TULP4: variants seen among roughly 807,000 people sequenced by gnomAD.
TULP4 encodes tubby-related protein 4.
A neutral mutation model predicts 129.0 loss-of-function variants in TULP4; 16 were observed. The ratio of observed to expected loss-of-function variants is 0.12; its 90% CI spans 0.08 to 0.19. The LOEUF is 0.19. Among genes scored for constraint, TULP4 ranks in the 10% least tolerant of loss-of-function variants. TULP4 has a pLI of 1.00. For missense variants in TULP4, 1,842 were observed against 2,059.1 expected, an observed-to-expected ratio of 0.89 and a Z score of 2.04; for synonymous variants, 998 against 854.0, an observed-to-expected ratio of 1.17 and a Z score of -2.94.
At chr6:158,407,600 T>C (rs1487139383) in intron 1 of TULP4, among the ~76,000 whole-genome samples, 1 of 151,996 alleles carries the variant, frequency 6.6e-6, no homozygotes, top group Non-Finnish European at 1.5e-5. Flanking sequence ...TAAAAGTTGA[T>C]GAACAGATCA....
At chr6:158,414,102 C>T (rs1173673473) in intron 2 of TULP4, among the ~76,000 whole-genome samples, 1 of 152,230 alleles carries the variant, frequency 6.6e-6, no homozygotes, top group African/African-American at 2.4e-5. Flanking sequence ...ACATTATTGT[C>T]AGCGGCTATT....
At chr6:158,365,925 T>A (rs1378502244) in intron 1 of TULP4, among the ~76,000 whole-genome samples, 1 of 92,174 alleles carries the variant, frequency 1.1e-5, no homozygotes, top group Admixed American at 1.5e-4. Flanking sequence ...TTTTTTGAGA[T>A]GGAGTCTCGC....
upstream of TULP4, among the ~76,000 whole-genome samples, chr6:158,308,410 C>G (rs535481504): frequency 3.8e-3 from 576 of 152,208 alleles, 2 homozygotes; most frequent in African/African-American, 0.013. Flanking sequence ...TCTTTCTACA[C>G]AGACACGGCA....
Position 158,296,545 on chromosome 6 carries a change from A to T in TULP4, n.116+14167A>T, listed in dbSNP as rs113396195. Among the ~76,000 whole-genome samples the T allele has an allele frequency of 1.3e-3, 196 of 152,264 alleles. 1 individual carries two copies. Among genetic ancestry groups the T allele is most frequent in the African/African-American group, 4.5e-3 (186 of 41,544 alleles). The stretch of plus-strand genomic sequence containing the variant: ...AGGGCAAAAAGCAGAACTACTGATA[A>T]GGGTCTAACAAAGATCACATGCTTC... On this transcript the variant is annotated intron_variant and non_coding_transcript_variant, in intron 1 of 1. Transcript: ENST00000432358.
chr6:158,291,037 A>G (rs1285356262), intron 1 of TULP4, among the ~76,000 whole-genome samples: 1 of 152,278 alleles, frequency 6.6e-6, no homozygotes, highest in African/African-American at 2.4e-5. Context: ...CCTATAAAGC[A>G]TTAAGAGCTA....
At chr6:158,372,080 G>A (rs1012447365) in intron 1 of TULP4, among the ~76,000 whole-genome samples, 2 of 147,492 alleles carry the variant, frequency 1.4e-5, no homozygotes, top group African/African-American at 5.1e-5. Flanking sequence ...CTCTCAAAGT[G>A]CTGGGATTAC....
At chr6:158,314,488 C>G (rs569790420) in intron 1 of TULP4, among the ~76,000 whole-genome samples, 2 of 152,314 alleles carry the variant, frequency 1.3e-5, no homozygotes, top group East Asian at 3.9e-4. Flanking sequence ...GTCCCTGGCA[C>G]CCCTGCTGTC....
intron 6 of TULP4, among the ~76,000 whole-genome samples, chr6:158,466,320 C>T (rs1164977744): frequency 6.6e-6 from 1 of 152,226 alleles, no homozygotes; most frequent in East Asian, 1.9e-4. Flanking sequence ...TACATTTTCA[C>T]TAACATTACA....
intron 1 of TULP4, among the ~76,000 whole-genome samples, chr6:158,330,773 G>T (rs542281187): frequency 6.6e-6 from 1 of 152,138 alleles, no homozygotes; most frequent in African/African-American, 2.4e-5. Context: ...GCATTTAGTT[G>T]TTAGGTATCT....
At chr6:158,478,665 C>T (rs1779872583) in intron 6 of TULP4, among the ~76,000 whole-genome samples, 2 of 152,150 alleles carry the variant, frequency 1.3e-5, no homozygotes. Flanking sequence ...GCCTGGCCTC[C>T]TGTGGTAGAA....
rs542270519 is a variant in TULP4 at position 158,369,571 on chromosome 6, A to G, written c.253-43494A>G. On this transcript the variant is annotated intron_variant, in intron 1 of 13. Coordinates refer to ENST00000367097, the MANE Select transcript of TULP4 (RefSeq NM_020245.5). Reference sequence around the variant, plus strand: ...GAAATGGGATCCTGAGACGCAGAGCATTCATTTGGGTGGAAAACCTTGTTA... The same window carrying G: ...GAAATGGGATCCTGAGACGCAGAGCGTTCATTTGGGTGGAAAACCTTGTTA... Among the ~76,000 whole-genome samples, 8 of 152,274 alleles carry G rather than the reference A, an allele frequency of 5.3e-5. No homozygotes were observed. In the South Asian group the frequency reaches 1.5e-3, roughly 28 times the overall value.
chr6:158,349,052 C>A (rs1247916366), intron 1 of TULP4, among the ~76,000 whole-genome samples: 3 of 64,576 alleles, frequency 4.6e-5, no homozygotes, highest in East Asian at 4.1e-4. Flanking sequence ...CTCCTCACTT[C>A]CCAGACGGGG....
chr6:158,458,415 A>T (rs1255589662), intron 5 of TULP4, among the ~76,000 whole-genome samples: 1 of 152,220 alleles, frequency 6.6e-6, no homozygotes, highest in Admixed American at 6.5e-5. Context: ...CTTCCAGAGT[A>T]CGGACCTCTT....
chr6:158,235,465 C>G (rs1038617526), intron 1 of TULP4, among the ~76,000 whole-genome samples: 2 of 152,148 alleles, frequency 1.3e-5, no homozygotes, highest in African/African-American at 2.4e-5. Context: ...GCGTGATATC[C>G]TCAGGGTTCA....
chr6:158,247,775 C>T (rs2128450271), intron 1 of TULP4, among the ~76,000 whole-genome samples: 1 of 152,328 alleles, frequency 6.6e-6, no homozygotes, highest in Non-Finnish European at 1.5e-5. Flanking sequence ...TTACGAACAG[C>T]TATGGCAAAA....
At chr6:158,422,395 A>G (rs977975680) in intron 2 of TULP4, among the ~76,000 whole-genome samples, 4 of 152,224 alleles carry the variant, frequency 2.6e-5, no homozygotes, top group African/African-American at 9.6e-5. Context: ...AAACAACTGA[A>G]TATCTGTATT....
rs538692662 is a variant in TULP4, at chr6:158,362,505, A to G, written c.252+48237A>G. ...GCCGGCACTACAGGTGTGTGCTCCC[A>G]TGCCCAGCTAATTTTGGTATTTTTT... is the stretch of plus-strand genomic sequence containing the variant. On this transcript the variant is annotated intron_variant, in intron 1 of 13. Transcript: ENST00000367097. Among the ~76,000 whole-genome samples, 21 of 152,194 alleles carry G rather than the reference A, an allele frequency of 1.4e-4. 1 individual carries two copies. In the South Asian group the frequency reaches 3.7e-3, roughly 27 times the overall value.
chr6:158,232,980 T>C (rs1045004851), intron 1 of TULP4, among the ~76,000 whole-genome samples: 26 of 152,352 alleles, frequency 1.7e-4, no homozygotes, highest in Non-Finnish European at 2.9e-4. Context: ...CACCAACCCT[T>C]CCTCTTTGCC....
intron 1 of TULP4, among the ~76,000 whole-genome samples, chr6:158,237,160 A>G (rs761254928): frequency 7.9e-5 from 12 of 152,010 alleles, no homozygotes; most frequent in African/African-American, 2.9e-4. Flanking sequence ...CCAGTAGGCC[A>G]TATCTCACTA....
Sources: gnomAD v4.1 joint callset for allele counts (sites outside exome capture counted in the v4.1 genomes callset) on GRCh38, gnomAD v4.1.1 for gene constraint, MANE v1.5 for transcripts, NCBI Gene and HGNC (gene_info 2026-07-23, HGNC 2026-07-21) for gene names.